ERBB4: variants seen among roughly 807,000 people sequenced by gnomAD.
ERBB4 encodes receptor tyrosine-protein kinase erbB-4.
A neutral mutation model predicts 158.0 loss-of-function variants in ERBB4; 42 were observed. The ratio of observed to expected loss-of-function variants is 0.27; its 90% CI spans 0.21 to 0.34. The LOEUF is 0.34. Among genes scored for constraint, ERBB4 ranks in the 10% least tolerant of loss-of-function variants. The pLI, the probability that ERBB4 is intolerant of heterozygous loss-of-function variation, is 1.00. For missense variants in ERBB4, 1,333 were observed against 1,624.1 expected, an observed-to-expected ratio of 0.82 and a Z score of 3.08; for synonymous variants, 583 against 558.7, an observed-to-expected ratio of 1.04 and a Z score of -0.61.
chr2:212,491,818 C>T (rs756798141), intron 1 of ERBB4, among the ~76,000 whole-genome samples: 58 of 151,388 alleles, frequency 3.8e-4, no homozygotes, highest in Admixed American at 2.2e-3. Context: ...TATGAACATT[C>T]AAAACTATTG....
chr2:212,313,384 C>A (rs965447759), intron 1 of ERBB4, among the ~76,000 whole-genome samples: 1 of 150,954 alleles, frequency 6.6e-6, no homozygotes. Flanking sequence ...ACAGCATTTT[C>A]ATTTACATAA....
At chr2:212,195,165 T>C (rs4569416) in intron 1 of ERBB4, among the ~76,000 whole-genome samples, 28,933 of 151,888 alleles carry the variant, frequency 0.19, 3,058 homozygotes, top group Non-Finnish European at 0.22. Context: ...TTGTAGATAG[T>C]AACAGGATCC....
At chr2:212,408,093 T>A (rs1200383793) in intron 1 of ERBB4, among the ~76,000 whole-genome samples, 1 of 152,076 alleles carries the variant, frequency 6.6e-6, no homozygotes, top group African/African-American at 2.4e-5. Context: ...TTTATTTATT[T>A]ATTTTTAAGT....
chr2:211,710,126 C>T (rs1300313874), intron 9 of ERBB4, among the ~76,000 whole-genome samples: 1 of 151,904 alleles, frequency 6.6e-6, no homozygotes, highest in Non-Finnish European at 1.5e-5. Flanking sequence ...AATTTTATTT[C>T]AGAATTGAAA....
chr2:211,694,224 A>AACAGTTC (rs1322441013), intron 12 of ERBB4, among the ~76,000 whole-genome samples: 1 of 152,174 alleles, frequency 6.6e-6, no homozygotes, highest in Non-Finnish European at 1.5e-5. Flanking sequence ...CTAAATAAGA[A>AACAGTTC]TCTCTGGAGA....
intron 19 of ERBB4, among the ~76,000 whole-genome samples, chr2:211,591,977 G>GCTTACTGACTCTTTA (rs1559329689): frequency 6.6e-6 from 1 of 152,230 alleles, no homozygotes; most frequent in East Asian, 1.9e-4. Context: ...AAGAGTCCAA[G>GCTTACTGACTCTTTA]AGACAGCTAA....
chr2:212,138,695 AG>A (rs1219588240), intron 1 of ERBB4, among the ~76,000 whole-genome samples: 1 of 152,204 alleles, frequency 6.6e-6, no homozygotes, highest in Non-Finnish European at 1.5e-5. Context: ...TAGCCAGGTT[AG>A]TGTATATCTT....
At chr2:211,983,821 A>G (rs1417793269) in intron 2 of ERBB4, among the ~76,000 whole-genome samples, 2 of 152,190 alleles carry the variant, frequency 1.3e-5, no homozygotes, top group Non-Finnish European at 2.9e-5. Flanking sequence ...AAAACTGAAT[A>G]TTGTGGAAGT....
intron 1 of ERBB4, among the ~76,000 whole-genome samples, chr2:212,142,586 T>TTATA (rs112005792): frequency 1.7e-3 from 252 of 146,086 alleles, no homozygotes; most frequent in Non-Finnish European, 2.8e-3. Flanking sequence ...AAAGGACACA[T>TTATA]TATATATATA....
At chr2:212,270,846 G>A (rs114158050) in intron 1 of ERBB4, among the ~76,000 whole-genome samples, 55 of 151,854 alleles carry the variant, frequency 3.6e-4, no homozygotes, top group African/African-American at 1.2e-3. Flanking sequence ...TAGAGAGAGA[G>A]AGAGACCTGA....
intron 12 of ERBB4, among the ~76,000 whole-genome samples, chr2:211,691,602 G>GTGTGTA (rs1225867697): frequency 1.7e-4 from 24 of 145,418 alleles, no homozygotes; most frequent in African/African-American, 5.1e-4. Flanking sequence ...GTGTGTGTGT[G>GTGTGTA]TATATATATA....
intron 5 of ERBB4, among the ~76,000 whole-genome samples, chr2:211,745,223 G>A (rs2074929401): frequency 6.6e-6 from 1 of 152,124 alleles, no homozygotes; most frequent in African/African-American, 2.4e-5. Context: ...ACTGTATGGG[G>A]TCTCTGGAGG....
chr2:211,467,306 C>A (rs1668494060), intron 20 of ERBB4, among the ~76,000 whole-genome samples: 1 of 152,150 alleles, frequency 6.6e-6, no homozygotes, highest in Non-Finnish European at 1.5e-5. Context: ...CCATCAGTTT[C>A]TTTATCTAAC....
intron 1 of ERBB4, among the ~76,000 whole-genome samples, chr2:212,350,655 A>G (rs1053593953): frequency 1.3e-5 from 2 of 152,138 alleles, no homozygotes; most frequent in Non-Finnish European, 2.9e-5. Context: ...CATGAGTTCT[A>G]TGATCAGTAA....
intron 20 of ERBB4, among the ~76,000 whole-genome samples, chr2:211,544,037 T>C (rs1433335948): frequency 6.6e-6 from 1 of 151,950 alleles, no homozygotes; most frequent in Non-Finnish European, 1.5e-5. Flanking sequence ...ACTGCACAGA[T>C]ACATTTTGAT....
intron 2 of ERBB4, among the ~76,000 whole-genome samples, chr2:212,003,979 A>G (rs1342107264): frequency 6.6e-6 from 1 of 152,218 alleles, no homozygotes; most frequent in African/African-American, 2.4e-5. Context: ...CAGGTAGTGA[A>G]TACACTGCAG....
At chr2:211,762,704 TC>T (rs1273647189) in intron 4 of ERBB4, among the ~76,000 whole-genome samples, 2 of 152,160 alleles carry the variant, frequency 1.3e-5, no homozygotes, top group Non-Finnish European at 2.9e-5. Context: ...GAAACGTGGT[TC>T]AACAGCTAAA....
At chr2:211,419,381 A>C (rs1001856907) in intron 25 of ERBB4, among the ~76,000 whole-genome samples, 33 of 152,256 alleles carry the variant, frequency 2.2e-4, no homozygotes, top group African/African-American at 6.7e-4. Context: ...TGAAATAAAG[A>C]AAATTATGTT....
chr2:212,329,982 T>C (rs1461916212), intron 1 of ERBB4, among the ~76,000 whole-genome samples: 1 of 152,058 alleles, frequency 6.6e-6, no homozygotes, highest in Non-Finnish European at 1.5e-5. Context: ...CATCTGGCTG[T>C]AGATCAATCT....
Sources: allele counts gnomAD v4.1 joint callset (sites outside exome capture counted in the v4.1 genomes callset), GRCh38; gene constraint gnomAD v4.1.1; transcripts MANE v1.5; gene names NCBI Gene and HGNC (gene_info 2026-07-23, HGNC 2026-07-21).